Variants in GABRA5 observed in about 807,000 individuals in gnomAD.
The protein encoded by GABRA5 is gamma-aminobutyric acid receptor subunit alpha-5.
GABRA5 carries 18 observed loss-of-function variants against 47.3 expected under a neutral mutation model. The observed-to-expected ratio is 0.38, with a 90% CI of 0.26 to 0.56. The LOEUF is 0.56. GABRA5 is among the 20% of genes least tolerant of loss of function. The pLI, the probability that GABRA5 is intolerant of heterozygous loss-of-function variation, is 0.71. For missense variants in GABRA5, 365 were observed against 599.3 expected (o/e 0.61, Z 4.08); for synonymous variants, 237 against 229.3 (o/e 1.03, Z -0.30).
chr15:26,901,193 G>GGATC (rs200450075), intron 6 of GABRA5, among the ~76,000 whole-genome samples: 9,117 of 152,166 alleles, frequency 0.06, 892 homozygotes, highest in African/African-American at 0.21. Context: ...CACAATTGCT[G>GGATC]ATACAGTAAG....
At chr15:26,885,298 C>CAA (rs56883238) in intron 6 of GABRA5, among the ~76,000 whole-genome samples, 103 of 105,524 alleles carry the variant, frequency 9.8e-4, no homozygotes, top group East Asian at 3.3e-3. Flanking sequence ...GACTCCGTTT[C>CAA]AAAAAAAAAA....
At chr15:26,889,857 A>G (rs942810902) in intron 6 of GABRA5, among the ~76,000 whole-genome samples, 6 of 152,350 alleles carry the variant, frequency 3.9e-5, no homozygotes, top group African/African-American at 9.6e-5. Context: ...AGTGTGTATC[A>G]TGTTTATGTG....
chr15:26,937,060 G>A (rs1205573119), intron 7 of GABRA5, 125 bp from the exon 8 acceptor site: 10 of 1,190,196 alleles, frequency 8.4e-6, no homozygotes, highest in Admixed American at 1.7e-5. Flanking sequence ...CATTTTTTAG[G>A]TCATGGAACC....
rs1199833261 is a variant in GABRA5, at chr15:26,947,728, C to T, written c.1090-206C>T. 3.3e-5 allele frequency among the ~76,000 whole-genome samples: 5 copies of T among 152,208 alleles called. No individual in the cohort carries two copies. The South Asian group carries it at 6.2e-4, about 19-fold the overall frequency. On this transcript the variant is annotated intron_variant, in intron 10 of 10. Coordinates refer to ENST00000335625, the MANE Select transcript of GABRA5 (RefSeq NM_000810.4). ...TCCGTATTCCTCTGGGAATGTATCC[C>T]GTTATGGGATTGCCAGACTTTAATA...
intron 6 of GABRA5, among the ~76,000 whole-genome samples, chr15:26,893,578 C>T (rs1253202889): frequency 3.3e-5 from 5 of 151,896 alleles, no homozygotes; most frequent in African/African-American, 1.2e-4. Flanking sequence ...TAGGGCTCCC[C>T]TTCCTCTGCC....
chr15:26,940,270 T>A (rs1025899601), intron 9 of GABRA5, among the ~76,000 whole-genome samples, 193 bp downstream of exon 9: 1 of 152,224 alleles, frequency 6.6e-6, no homozygotes, highest in African/African-American at 2.4e-5. Context: ...AAAGAAGGGT[T>A]TAAGGAATAT....
At chr15:26,940,226 T>C in intron 9 of GABRA5, 149 bp downstream of exon 9, 1 of 675,012 alleles carries the variant, frequency 1.5e-6, no homozygotes, top group Non-Finnish European at 2.5e-6. Context: ...ATTAAGAATT[T>C]AATGTTAAGG....
At chr15:26,890,456 T>C (rs556235042) in intron 6 of GABRA5, among the ~76,000 whole-genome samples, 16 of 147,522 alleles carry the variant, frequency 1.1e-4, no homozygotes, top group Admixed American at 3.4e-4. Context: ...CTTTGGGACG[T>C]GCCTCACAGA....
At chr15:26,933,857 T>C (rs1239675100) in intron 7 of GABRA5, among the ~76,000 whole-genome samples, 2 of 152,194 alleles carry the variant, frequency 1.3e-5, no homozygotes, top group African/African-American at 4.8e-5. Flanking sequence ...AACATGTCTT[T>C]ATCTGTTTGT....
Position 26,947,916 on chromosome 15 carries a change from T to G in GABRA5, c.1090-18T>G. 1 of 1,555,310 alleles carries G rather than the reference T, an allele frequency of 6.4e-7. No individual in the cohort carries two copies. Among genetic ancestry groups the G allele is most frequent in the Non-Finnish European group, 8.7e-7 (1 of 1,148,156 alleles). On this transcript the variant is annotated intron_variant, in intron 10 of 10. Transcript: ENST00000335625. ...GCCTGCAAATGGCGTGTCCTTACAT[T>G]CGTATTATATTTTGCAGAAAAAGCG...
At chr15:26,908,132 A>C (rs1015411459) in intron 6 of GABRA5, among the ~76,000 whole-genome samples, 1 of 152,174 alleles carries the variant, frequency 6.6e-6, no homozygotes, top group Admixed American at 6.5e-5. Context: ...GTATGCATGC[A>C]TATGTATTTC....
intron 9 of GABRA5, among the ~76,000 whole-genome samples, chr15:26,940,735 T>C (rs528157939): frequency 6.6e-6 from 1 of 152,298 alleles, no homozygotes. Flanking sequence ...TAAATATATA[T>C]ACCTGGTAAG....
intron 3 of GABRA5, among the ~76,000 whole-genome samples, chr15:26,878,834 C>T (rs915939434): frequency 6.6e-6 from 1 of 152,154 alleles, no homozygotes; most frequent in Non-Finnish European, 1.5e-5. Context: ...CATTCTATTC[C>T]GTCACTGTGG....
Position 26,937,288 on chromosome 15 carries a change from G to A in GABRA5, c.684G>A (p.Met228Ile), listed in dbSNP as rs901753362. Reference sequence around the variant, plus strand: ...CCAGACTGAACCAGTACCACCTGATGGGGCAGACGGTGGGCACTGAGAACA... The same window carrying A: ...CCAGACTGAACCAGTACCACCTGATAGGGCAGACGGTGGGCACTGAGAACA... ...DGSRLNQYHLMGQTVGTENIS... is the reference protein window; with the variant it reads ...DGSRLNQYHLIGQTVGTENIS... Residue 228 changes from methionine to isoleucine, a missense_variant, in exon 8 of 11, where the codon ATG becomes ATA. Met to Ile is a conservative substitution (Grantham distance 10, BLOSUM62 1). Coordinates refer to ENST00000335625, the MANE Select transcript of GABRA5 (RefSeq NM_000810.4). 1 of 1,613,772 alleles carries A rather than the reference G, an allele frequency of 6.2e-7. No individual in the cohort carries two copies. The highest frequency in any genetic ancestry group is 8.5e-7 in the Non-Finnish European group (1 of 1,179,782).
Position 26,883,105 on chromosome 15 carries a change from A to G in GABRA5, c.209-61A>G, listed in dbSNP as rs74006529. 1.2e-3 allele frequency: 1,664 copies of G among 1,362,864 alleles called. 18 individuals are homozygous for G. In the African/African-American group the frequency reaches 0.021, roughly 17 times the overall value. 84.4% of individuals were successfully genotyped at this position (1,362,864 alleles called of 1,614,324 possible). A position where few individuals can be genotyped will look rare whatever the true frequency, so the allele number is the denominator to read the frequency against. On this transcript the variant is annotated intron_variant, in intron 4 of 10. Transcript: ENST00000335625. This position sits in a 1 kb window ranked among gnomAD's most constrained non-coding sequence, Gnocchi z 4.8. ...CCCTGGTTACTGGACTGAGAGCACG[A>G]GAGTGTGCCAGACGCGCAGGGTGGG... is the stretch of plus-strand genomic sequence containing the variant.
intron 6 of GABRA5, among the ~76,000 whole-genome samples, chr15:26,911,604 G>A (rs1196239482): frequency 6.6e-6 from 1 of 152,150 alleles, no homozygotes. Flanking sequence ...AGAGGAGGAG[G>A]AATGAACCAG....
intron 3 of GABRA5, among the ~76,000 whole-genome samples, chr15:26,872,499 T>G (rs193035203): frequency 1.7e-4 from 26 of 152,350 alleles, no homozygotes; most frequent in African/African-American, 6.3e-4. Flanking sequence ...AACGTAATTC[T>G]AAAAGGTAGT....
At chr15:26,937,783 G>C (rs1321340534) in intron 8 of GABRA5, among the ~76,000 whole-genome samples, 1 of 152,222 alleles carries the variant, frequency 6.6e-6, no homozygotes, top group Non-Finnish European at 1.5e-5. Context: ...AAGTGCCCTG[G>C]GCTGGCCTGA....
chr15:26,872,822 G>A (rs927855128), intron 3 of GABRA5, among the ~76,000 whole-genome samples: 2 of 152,338 alleles, frequency 1.3e-5, no homozygotes, highest in Non-Finnish European at 2.9e-5. Flanking sequence ...TTTGTGAAAC[G>A]TGTGTGGCAC....
Sources: allele counts gnomAD v4.1 joint callset (sites outside exome capture counted in the v4.1 genomes callset), GRCh38; gene constraint gnomAD v4.1.1; non-coding constraint Gnocchi (gnomAD v3.1); transcripts MANE v1.5; gene names NCBI Gene and HGNC (gene_info 2026-07-23, HGNC 2026-07-21).